The following PCLO variants were observed in gnomAD, a reference collection of about 807,000 sequenced individuals.
PCLO encodes the protein piccolo presynaptic cytomatrix protein, also known as protein piccolo.
PCLO carries 82 observed loss-of-function variants against 427.5 expected under a neutral mutation model. That is an observed-to-expected ratio of 0.19 (90% CI 0.16 to 0.23). The LOEUF is 0.23. Ranked by LOEUF, PCLO falls within the 10% of genes least tolerant of loss-of-function variation. PCLO has a pLI of 1.00. For missense variants in PCLO, 6,239 were observed against 6,115.9 expected (o/e 1.02, Z -0.67); for synonymous variants, 2,357 against 2,155.4 (o/e 1.09, Z -2.59).
rs1320715018 is a variant in PCLO, at chr7:82,916,309, G to A, written c.11677C>T (p.Pro3893Ser). The A allele has an allele frequency of 1.2e-6, 2 of 1,613,628 alleles. No individual in the cohort carries two copies. Residue 3893 changes from proline (P) to serine (S), a missense_variant, in exon 7 of 25, where the codon CCT (proline) becomes TCT (serine). This residue lies in a region of PCLO where 680 missense variants were observed against 677.3 expected (regional missense o/e 1.00). Coordinates refer to ENST00000333891, the MANE Select transcript of PCLO (RefSeq NM_033026.6). ...SPYTQYQYSS[P>S]ALPTQAPTSY... is the part of the protein sequence containing the mutation. ...GTGGGTGCTTGGGTAGGAAGAGCAG[G>A]GGAAGAGTACTGGTATTGTGTGTAA...
chr7:83,026,910 G>C (rs1788514917), intron 3 of PCLO, among the ~76,000 whole-genome samples: 1 of 142,726 alleles, frequency 7.0e-6, no homozygotes, highest in Non-Finnish European at 1.5e-5. Flanking sequence ...AAACCAACCA[G>C]AACAAAGACA....
At chr7:82,845,610 T>C (rs557995545) in intron 12 of PCLO, 125 bp from the exon 13 acceptor site, 1 of 654,312 alleles carries the variant, frequency 1.5e-6, no homozygotes, top group African/African-American at 1.8e-5. Context: ...ACTTTAAAAA[T>C]GAAATTAACT....
At chr7:83,142,284 T>C (rs1432520268) in intron 2 of PCLO, among the ~76,000 whole-genome samples, 1 of 152,234 alleles carries the variant, frequency 6.6e-6, no homozygotes, top group Non-Finnish European at 1.5e-5. Flanking sequence ...AATCGTGCTA[T>C]TTTCCTGTCT....
chr7:82,988,386 A>G (rs1796301746), intron 3 of PCLO, among the ~76,000 whole-genome samples: 1 of 152,152 alleles, frequency 6.6e-6, no homozygotes, highest in African/African-American at 2.4e-5. Context: ...AGAAGAAAAA[A>G]TAATCAGATA....
At chr7:83,041,702 T>C (rs1400221082) in intron 3 of PCLO, among the ~76,000 whole-genome samples, 1 of 152,168 alleles carries the variant, frequency 6.6e-6, no homozygotes, top group African/African-American at 2.4e-5. Context: ...CATTCCAATA[T>C]AGCATTTAAT....
chr7:82,853,303 C>T (rs546973924), intron 10 of PCLO, among the ~76,000 whole-genome samples: 21 of 152,124 alleles, frequency 1.4e-4, no homozygotes, highest in Middle Eastern at 3.4e-3. Flanking sequence ...CTCAATCTGC[C>T]TTCTAGCCTC....
intron 2 of PCLO, among the ~76,000 whole-genome samples, chr7:83,151,769 G>T (rs1792136194): frequency 6.6e-6 from 1 of 152,100 alleles, no homozygotes; most frequent in Non-Finnish European, 1.5e-5. Context: ...TAGGTAAACT[G>T]ATTTGGAATC....
Position 82,887,698 on chromosome 7 carries a change from A to T in PCLO, c.13529-8236T>A, listed in dbSNP as rs117404741. On this transcript the variant is annotated intron_variant, in intron 9 of 24. Coordinates refer to ENST00000333891, the MANE Select transcript of PCLO (RefSeq NM_033026.6). Reference sequence around the variant, plus strand: ...TTTGTTACTGAGTAAATAAATCCACATTTTCACCAGAATTTACCAGGAAGA... The same window carrying T: ...TTTGTTACTGAGTAAATAAATCCACTTTTTCACCAGAATTTACCAGGAAGA... 2.4e-3 allele frequency among the ~76,000 whole-genome samples: 369 copies of T among 152,270 alleles called. 2 individuals are homozygous for T. Among genetic ancestry groups the T allele is most frequent in the Non-Finnish European group, 2.8e-3 (192 of 68,020 alleles).
intron 3 of PCLO, among the ~76,000 whole-genome samples, chr7:83,006,057 C>T (rs555551554): frequency 7.9e-5 from 12 of 151,666 alleles, no homozygotes; most frequent in South Asian, 2.1e-4. Flanking sequence ...TTTAACTGTA[C>T]GCAATGCATT....
chr7:83,001,487 C>T (rs1421190114), intron 3 of PCLO, among the ~76,000 whole-genome samples: 1 of 142,620 alleles, frequency 7.0e-6, no homozygotes, highest in Non-Finnish European at 1.5e-5. Context: ...GAGCTTTGTT[C>T]ACTCTAACAC....
chr7:82,757,610 C>T lies in PCLO; in HGVS notation c.*965G>A, dbSNP rs149873736. Reference sequence around the variant, plus strand: ...GAATTTTCTTTCTCTGTCAATGCATCGCTCAACAGAAAGGAAATGTGCAGG... The same window carrying T: ...GAATTTTCTTTCTCTGTCAATGCATTGCTCAACAGAAAGGAAATGTGCAGG... On this transcript the variant is annotated 3_prime_UTR_variant, in exon 25 of 25. Transcript: ENST00000333891. 2.5e-3 allele frequency: 386 copies of T among 151,966 alleles called. 3 individuals are homozygous for T. Among genetic ancestry groups the T allele is most frequent in the African/African-American group, 8.5e-3 (352 of 41,490 alleles). 9.4% of individuals were successfully genotyped at this position (151,966 alleles called of 1,614,324 possible). A position where few individuals can be genotyped will look rare whatever the true frequency, so the allele number is the denominator to read the frequency against.
At position 82,824,219 on chromosome 7, in the gene PCLO, A is replaced by T; in HGVS notation, c.14596+17T>A. 1 of 1,558,650 alleles carries T rather than the reference A, an allele frequency of 6.4e-7. No individual in the cohort carries two copies. On this transcript the variant is annotated intron_variant, in intron 19 of 24. Coordinates refer to ENST00000333891, the MANE Select transcript of PCLO (RefSeq NM_033026.6). ...AATAGACACAAAACTTTTTCTACTT[A>T]AAAAAATATTTCCTACCCTTTGATG...
chr7:83,029,182 T>C (rs1025250779), intron 3 of PCLO, among the ~76,000 whole-genome samples: 2 of 146,118 alleles, frequency 1.4e-5, no homozygotes, highest in African/African-American at 5.0e-5. Context: ...ACCTACAAAA[T>C]GGGAGAAAAT....
At chr7:83,076,822 C>T (rs1415175833) in intron 3 of PCLO, among the ~76,000 whole-genome samples, 1 of 151,670 alleles carries the variant, frequency 6.6e-6, no homozygotes, top group Non-Finnish European at 1.5e-5. Flanking sequence ...GACCTTCCTA[C>T]CTTTAAGGAG....
rs1788620661 is a variant in PCLO, at chr7:83,030,049, C to T, written c.3301-63562G>A. Among the ~76,000 whole-genome samples the T allele has an allele frequency of 4.3e-5, 6 of 137,992 alleles. No individual in the cohort carries two copies. In the South Asian group the frequency reaches 1.5e-3, roughly 34 times the overall value. 90.5% of individuals were successfully genotyped at this position (137,992 alleles called of 152,430 possible). ...GTGGGTGCAGCGCACCAGCATGGCACATGTATACATATGTAACTAATCCGC... is the reference window on the plus strand; with the variant it reads ...GTGGGTGCAGCGCACCAGCATGGCATATGTATACATATGTAACTAATCCGC... On this transcript the variant is annotated intron_variant, in intron 3 of 24. Coordinates refer to ENST00000333891, the MANE Select transcript of PCLO (RefSeq NM_033026.6).
At chr7:82,800,832 A>G (rs7803569) in intron 22 of PCLO, among the ~76,000 whole-genome samples, 121,826 of 151,664 alleles carry the variant, frequency 0.8, 49,237 homozygotes, top group East Asian at 0.93. Flanking sequence ...TGATCTGCCC[A>G]CCTCGGCCTC....
At chr7:82,990,952 C>G (rs1475979306) in intron 3 of PCLO, among the ~76,000 whole-genome samples, 1 of 152,058 alleles carries the variant, frequency 6.6e-6, no homozygotes, top group Non-Finnish European at 1.5e-5. Flanking sequence ...TCATTTATTT[C>G]TTACTTACTA....
At chr7:83,057,114 C>T (rs1343603679) in intron 3 of PCLO, among the ~76,000 whole-genome samples, 2 of 149,556 alleles carry the variant, frequency 1.3e-5, no homozygotes, top group African/African-American at 2.4e-5. Context: ...GATGGAGACT[C>T]ACTCTGTCAC....
At chr7:83,137,073 CAATA>C (rs1256346960) in intron 2 of PCLO, among the ~76,000 whole-genome samples, 1 of 152,036 alleles carries the variant, frequency 6.6e-6, no homozygotes, top group African/African-American at 2.4e-5. Flanking sequence ...CACAATGAAA[CAATA>C]TATATAAATA....
Sources: allele counts gnomAD v4.1 joint callset (sites outside exome capture counted in the v4.1 genomes callset), GRCh38; gene constraint gnomAD v4.1.1; regional missense constraint gnomAD v4.1.1; transcripts MANE v1.5; gene names NCBI Gene and HGNC (gene_info 2026-07-23, HGNC 2026-07-21).